The following TRIP4 variants were observed in gnomAD, a reference collection of about 807,000 sequenced individuals.
TRIP4 encodes activating signal cointegrator 1.
TRIP4 carries 54 observed loss-of-function variants against 81.8 expected under a neutral mutation model. The observed-to-expected ratio is 0.66, with a 90% CI of 0.53 to 0.83. The LOEUF (loss-of-function observed/expected upper bound fraction) is 0.83. Ranked by LOEUF, TRIP4 falls within the 40% of genes least tolerant of loss-of-function variation. The probability of loss-of-function intolerance (pLI) is 0.00; values close to 1 mark genes in which losing one functional copy is unlikely to be tolerated. For missense variants in TRIP4, 662 were observed against 683.6 expected (o/e 0.97, Z 0.35); for synonymous variants, 270 against 242.8 (o/e 1.11, Z -1.04).
intron 8 of TRIP4, among the ~76,000 whole-genome samples, chr15:64,417,266 C>T (rs967558921): frequency 4.6e-5 from 7 of 152,088 alleles, no homozygotes; most frequent in Admixed American, 4.6e-4. Flanking sequence ...CCTGCCTTGG[C>T]CTCCTTAAGT....
At chr15:64,444,970 C>G in intron 11 of TRIP4, 36 bp from the exon 12 acceptor site, 1 of 1,172,688 alleles carries the variant, frequency 8.5e-7, no homozygotes, top group Non-Finnish European at 1.2e-6. Context: ...AAGCTTGTCC[C>G]AACTATCCTG....
chr15:64,420,119 CTTTCT>C (rs1891977605), intron 9 of TRIP4, among the ~76,000 whole-genome samples: 1 of 145,554 alleles, frequency 6.9e-6, no homozygotes, highest in South Asian at 2.2e-4. Flanking sequence ...TGGCTTCTTT[CTTTCT>C]TTTTTTTTTT....
chr15:64,432,168 A>T (rs1321812391), intron 11 of TRIP4, among the ~76,000 whole-genome samples: 1 of 151,620 alleles, frequency 6.6e-6, no homozygotes, highest in Non-Finnish European at 1.5e-5. Flanking sequence ...TACAGGCATG[A>T]GCCACCATGC....
intron 5 of TRIP4, among the ~76,000 whole-genome samples, chr15:64,403,521 C>A (rs1364732813): frequency 6.6e-6 from 1 of 152,166 alleles, no homozygotes; most frequent in African/African-American, 2.4e-5. Context: ...GCAAATATTT[C>A]ATTTTGTTCC....
chr15:64,432,814 G>A (rs1892306722), intron 11 of TRIP4, among the ~76,000 whole-genome samples: 1 of 151,774 alleles, frequency 6.6e-6, no homozygotes, highest in South Asian at 2.1e-4. Flanking sequence ...GGGAGGCTGA[G>A]GCAGGAGAAT....
intron 9 of TRIP4, among the ~76,000 whole-genome samples, chr15:64,421,037 C>T (rs1474473810): frequency 8.6e-5 from 13 of 151,276 alleles, no homozygotes; most frequent in Admixed American, 6.6e-4. Context: ...CGGCCGGTCA[C>T]GGTGGCTCAT....
At chr15:64,408,815 A>G (rs1412492208) in intron 6 of TRIP4, among the ~76,000 whole-genome samples, 1 of 152,176 alleles carries the variant, frequency 6.6e-6, no homozygotes, top group African/African-American at 2.4e-5. Context: ...TCTTAGAGAT[A>G]GGCCTAATTG....
chr15:64,431,177 CTCTT>C (rs751386436), intron 11 of TRIP4, among the ~76,000 whole-genome samples: 24 of 152,218 alleles, frequency 1.6e-4, no homozygotes, highest in Non-Finnish European at 3.2e-4. Context: ...TCCACAAATT[CTCTT>C]TTAAAATATG....
chr15:64,431,847 A>ATATATTTTTTTT, intron 11 of TRIP4, among the ~76,000 whole-genome samples: 10 of 119,552 alleles, frequency 8.4e-5, no homozygotes, highest in South Asian at 2.5e-4. Context: ...ATATATATAT[A>ATATATTTTTTTT]TTTTTTTTAT....
intron 8 of TRIP4, among the ~76,000 whole-genome samples, chr15:64,417,175 T>C (rs1891906589): frequency 6.6e-6 from 1 of 152,152 alleles, no homozygotes; most frequent in African/African-American, 2.4e-5. Flanking sequence ...CATACCTTAC[T>C]AATTTGTATA....
rs1555411171 is a variant in TRIP4 at position 64,431,847 on chromosome 15, A to ATTTTTTTTTTTTTTTTTTT, written c.1575+6224_1575+6225insTTTTTTTTTTTTTTTTTTT. Among the ~76,000 whole-genome samples the ATTTTTTTTTTTTTTTTTTT allele has an allele frequency of 3.8e-4, 45 of 119,538 alleles. 1 individual carries two copies. The highest frequency in any genetic ancestry group is 1.4e-3 in the African/African-American group (42 of 30,760). The allele number at this position is 119,538 out of a possible 152,430, so 78.4% of individuals were successfully genotyped here. On this transcript the variant is annotated intron_variant, in intron 11 of 12. Coordinates refer to ENST00000261884, the MANE Select transcript of TRIP4 (RefSeq NM_016213.5). ...CCATTTATATTATATATATATATAT[A>ATTTTTTTTTTTTTTTTTTT]TTTTTTTTATCCAAAGAGCATTGTG...
chr15:64,401,459 G>T (rs1244970354), intron 5 of TRIP4, among the ~76,000 whole-genome samples: 1 of 151,940 alleles, frequency 6.6e-6, no homozygotes. Context: ...TTTAGTAGGG[G>T]TGGGGTTTTG....
At chr15:64,449,780 G>A (rs1194460878) in intron 12 of TRIP4, among the ~76,000 whole-genome samples, 2 of 152,114 alleles carry the variant, frequency 1.3e-5, no homozygotes, top group Non-Finnish European at 2.9e-5. Flanking sequence ...TGAATACTCA[G>A]ATAAAGGAAA....
chr15:64,445,260 T>C, intron 12 of TRIP4, 152 bp downstream of exon 12: 1 of 442,518 alleles, frequency 2.3e-6, no homozygotes, highest in Non-Finnish European at 4.1e-6. Context: ...TCATAATCTT[T>C]GATGGTCTAA....
intron 4 of TRIP4, among the ~76,000 whole-genome samples, chr15:64,399,032 C>A (rs965525020): frequency 6.9e-6 from 1 of 144,908 alleles, no homozygotes; most frequent in African/African-American, 2.6e-5. Context: ...TCACTGCAAC[C>A]TCTGCCTCCT....
intron 11 of TRIP4, among the ~76,000 whole-genome samples, chr15:64,440,005 CAAA>C (rs1892482013): frequency 1.3e-5 from 2 of 151,818 alleles, no homozygotes; most frequent in Admixed American, 6.6e-5. Context: ...TGGTGGTTGA[CAAA>C]AACTGCTAAC....
At chr15:64,431,847 A>ATATTTTTTTTTT in intron 11 of TRIP4, among the ~76,000 whole-genome samples, 2 of 119,554 alleles carry the variant, frequency 1.7e-5, no homozygotes, top group African/African-American at 6.5e-5. Flanking sequence ...ATATATATAT[A>ATATTTTTTTTTT]TTTTTTTTAT....
chr15:64,428,859 G>A (rs1280881435), intron 11 of TRIP4, among the ~76,000 whole-genome samples: 4 of 151,740 alleles, frequency 2.6e-5, no homozygotes, highest in Non-Finnish European at 4.4e-5. Context: ...TGATACACCC[G>A]CATTGACCTC....
chr15:64,396,900 A>G (rs1283439580), intron 3 of TRIP4, among the ~76,000 whole-genome samples: 1 of 152,222 alleles, frequency 6.6e-6, no homozygotes, highest in African/African-American at 2.4e-5. Context: ...TATCTTTGCT[A>G]ACACTTCATA....
Sources: allele counts gnomAD v4.1 joint callset (sites outside exome capture counted in the v4.1 genomes callset), GRCh38; gene constraint gnomAD v4.1.1; transcripts MANE v1.5; gene names NCBI Gene and HGNC (gene_info 2026-07-23, HGNC 2026-07-21).